SYTL3: variants seen among roughly 807,000 people sequenced by gnomAD.
The protein encoded by SYTL3 is synaptotagmin like 3.
A neutral mutation model predicts 82.1 loss-of-function variants in SYTL3; 88 were observed. The ratio of observed to expected loss-of-function variants is 1.07; its 90% CI spans 0.90 to 1.28. The LOEUF (loss-of-function observed/expected upper bound fraction) is 1.28, where lower values mean the gene tolerates loss of function less well. SYTL3 is among the 50% of genes most tolerant of loss of function. The probability of loss-of-function intolerance (pLI) is 0.00; values close to 1 mark genes in which losing one functional copy is unlikely to be tolerated. For missense variants in SYTL3, 831 were observed against 757.6 expected, an observed-to-expected ratio of 1.10 and a Z score of -1.14; for synonymous variants, 311 against 289.4, an observed-to-expected ratio of 1.07 and a Z score of -0.76.
intron 8 of SYTL3, among the ~76,000 whole-genome samples, chr6:158,709,450 CCAT>C (rs1782518194): frequency 6.6e-6 from 1 of 152,096 alleles, no homozygotes; most frequent in Admixed American, 6.6e-5. Flanking sequence ...TGCTTTCACA[CCAT>C]CATCAAGTCA....
At chr6:158,698,783 A>C (rs531917832) in intron 6 of SYTL3, among the ~76,000 whole-genome samples, 48 of 152,056 alleles carry the variant, frequency 3.2e-4, no homozygotes, top group African/African-American at 1.1e-3. Context: ...TGTTCTGACA[A>C]GATCCATATA....
chr6:158,711,539 G>T (rs1229546971), intron 8 of SYTL3, among the ~76,000 whole-genome samples: 14 of 152,176 alleles, frequency 9.2e-5, no homozygotes, highest in Admixed American at 9.2e-4. Flanking sequence ...TGATGGTGTT[G>T]TTACAGGAAA....
At chr6:158,728,620 A>G (rs2128485753) in intron 11 of SYTL3, among the ~76,000 whole-genome samples, 1 of 152,296 alleles carries the variant, frequency 6.6e-6, no homozygotes, top group South Asian at 2.1e-4. Context: ...AGGCATTTTA[A>G]TTCATTCGTT....
intron 6 of SYTL3, 145 bp from the exon 7 acceptor site, chr6:158,707,085 A>G (rs1782181199): frequency 4.8e-6 from 4 of 829,668 alleles, no homozygotes; most frequent in Non-Finnish European, 7.5e-6. Context: ...ATTTTGGAAC[A>G]TTTCTATCAC....
At chr6:158,657,425 C>CAAAAAAAAAA (rs535361947) in intron 2 of SYTL3, among the ~76,000 whole-genome samples, 2 of 80,096 alleles carry the variant, frequency 2.5e-5, no homozygotes, top group African/African-American at 1.0e-4. Flanking sequence ...GACTCTGGCT[C>CAAAAAAAAAA]AAAAAAAAAA....
intron 11 of SYTL3, among the ~76,000 whole-genome samples, chr6:158,741,387 G>T (rs999476093): frequency 1.3e-5 from 2 of 152,184 alleles, no homozygotes; most frequent in Non-Finnish European, 2.9e-5. Context: ...CTTTTGAATT[G>T]TTGGTTGTGT....
rs191199570 is a variant in SYTL3, at chr6:158,741,921, A to G, written c.856-3559A>G. 1.7e-3 allele frequency among the ~76,000 whole-genome samples: 263 copies of G among 152,246 alleles called. 1 individual carries two copies. The highest frequency in any genetic ancestry group is 5.6e-3 in the African/African-American group (231 of 41,550). ...GGAGCAGCTTCGATGATTGCTCTCA[A>G]TTGGTTGTTGTCATCTTCCGATGGC... On this transcript the variant is annotated intron_variant, in intron 11 of 17. Transcript: ENST00000611299.
chr6:158,676,026 A>G (rs955493174), intron 5 of SYTL3, among the ~76,000 whole-genome samples: 12 of 152,186 alleles, frequency 7.9e-5, no homozygotes, highest in African/African-American at 2.9e-4. Flanking sequence ...GCTACCAATG[A>G]CTTTCTTCAC....
chr6:158,682,784 A>G lies in SYTL3; in HGVS notation c.330-141A>G. 3 of 624,920 alleles carry G rather than the reference A, an allele frequency of 4.8e-6. No individual in the cohort carries two copies. In the South Asian group the frequency reaches 6.1e-5, roughly 13 times the overall value. The allele number at this position is 624,920 out of a possible 1,614,324, so 38.7% of individuals were successfully genotyped here. A position where few individuals can be genotyped will look rare whatever the true frequency, so the allele number is the denominator to read the frequency against. On this transcript the variant is annotated intron_variant, in intron 5 of 17. Transcript: ENST00000611299. ...GCCTCTATGGGGAATCTGTAAATTTAAGTGTTTAAGCCAGGAAATTGATTG... is the reference window on the plus strand; with the variant it reads ...GCCTCTATGGGGAATCTGTAAATTTGAGTGTTTAAGCCAGGAAATTGATTG...
chr6:158,749,419 AAAAT>A (rs1788097519), intron 12 of SYTL3, among the ~76,000 whole-genome samples: 4 of 148,242 alleles, frequency 2.7e-5, no homozygotes, highest in Admixed American at 1.3e-4. Context: ...AAGAAAGAAA[AAAAT>A]ATATAATAAG....
chr6:158,703,406 C>T (rs1276529155), intron 6 of SYTL3, among the ~76,000 whole-genome samples: 2 of 152,178 alleles, frequency 1.3e-5, no homozygotes, highest in Admixed American at 1.3e-4. Flanking sequence ...TGGTCCAAAA[C>T]ACCTGCCTCT....
intron 6 of SYTL3, among the ~76,000 whole-genome samples, chr6:158,696,169 AAT>A (rs1491506399): frequency 6.6e-6 from 1 of 152,124 alleles, no homozygotes; most frequent in Non-Finnish European, 1.5e-5. Context: ...CAAGGGTTCC[AAT>A]TTTTTCACAA....
Position 158,693,856 on chromosome 6 carries a change from T to TTTTCTTTTCTTTC in SYTL3, c.394+10870_394+10871insCTTTTCTTTCTTT, listed in dbSNP as rs1012446535. ...GCATCCAGCCTTTCTTTTTCTTTTCTTTTTTTTTTTTTTTTTTGTAGATAC... is the reference window on the plus strand; with the variant it reads ...GCATCCAGCCTTTCTTTTTCTTTTCTTTTCTTTTCTTTCTTTTTTTTTTTTTTTTTGTAGATAC... On this transcript the variant is annotated intron_variant, in intron 6 of 17. Coordinates refer to ENST00000611299, the MANE Select transcript of SYTL3 (RefSeq NM_001242394.2). Among the ~76,000 whole-genome samples, 10 of 34,076 alleles carry TTTTCTTTTCTTTC rather than the reference T, an allele frequency of 2.9e-4. 1 individual carries two copies. Among genetic ancestry groups the TTTTCTTTTCTTTC allele is most frequent in the African/African-American group, 2.9e-3 (9 of 3,098 alleles). The allele number at this position is 34,076 out of a possible 152,430, so 22.4% of individuals were successfully genotyped here.
chr6:158,699,465 A>G (rs1259257319), intron 6 of SYTL3, among the ~76,000 whole-genome samples: 1 of 152,092 alleles, frequency 6.6e-6, no homozygotes, highest in African/African-American at 2.4e-5. Flanking sequence ...TGAGAAATGG[A>G]TGCATAGATG....
rs111413998 is a variant in SYTL3 at position 158,687,625 on chromosome 6, C to T, written c.394+4636C>T. On this transcript the variant is annotated intron_variant, in intron 6 of 17. Transcript: ENST00000611299. ...CCACAGACCTGAGAATCAAACTTGA[C>T]TCCTTTGTTCCTCATTCTGCCGCTA... 5.1e-3 allele frequency among the ~76,000 whole-genome samples: 774 copies of T among 152,332 alleles called. 7 individuals carry two copies. Among genetic ancestry groups the T allele is most frequent in the African/African-American group, 0.018 (737 of 41,580 alleles).
intron 5 of SYTL3, among the ~76,000 whole-genome samples, chr6:158,676,775 C>T (rs1171142700): frequency 1.3e-5 from 2 of 152,166 alleles, no homozygotes; most frequent in African/African-American, 4.8e-5. Flanking sequence ...CAAAAGAAGA[C>T]ATTTATGCGG....
intron 6 of SYTL3, among the ~76,000 whole-genome samples, chr6:158,704,762 G>A (rs1267726944): frequency 6.6e-6 from 1 of 152,288 alleles, no homozygotes; most frequent in Non-Finnish European, 1.5e-5. Flanking sequence ...TAAGAGGGAT[G>A]TGGCTTTTTG....
intron 5 of SYTL3, among the ~76,000 whole-genome samples, chr6:158,680,215 T>A (rs1459764035): frequency 6.6e-6 from 1 of 152,130 alleles, no homozygotes; most frequent in Non-Finnish European, 1.5e-5. Context: ...CACCCATGAC[T>A]CCCTCTGGAC....
At chr6:158,670,834 G>A (rs781499777) in intron 5 of SYTL3, among the ~76,000 whole-genome samples, 1 of 150,250 alleles carries the variant, frequency 6.7e-6, no homozygotes, top group Non-Finnish European at 1.5e-5. Flanking sequence ...ACTGAGTCTC[G>A]CTCTGTCGCC....
Sources: allele counts gnomAD v4.1 joint callset (sites outside exome capture counted in the v4.1 genomes callset), GRCh38; gene constraint gnomAD v4.1.1; transcripts MANE v1.5; gene names NCBI Gene and HGNC (gene_info 2026-07-23, HGNC 2026-07-21).